Variants in MANBA observed in about 807,000 individuals in gnomAD.
MANBA encodes the protein beta-mannosidase.
Under a neutral mutation model 111.1 loss-of-function variants are expected in MANBA, and 83 were observed. That is an observed-to-expected ratio of 0.75 (90% CI 0.63 to 0.90). The LOEUF (loss-of-function observed/expected upper bound fraction) is 0.90, where lower values mean the gene tolerates loss of function less well. Ranked by LOEUF, MANBA falls within the 40% of genes least tolerant of loss-of-function variation. The pLI is 0.00. For synonymous variants in MANBA, 370 were observed against 378.7 expected (o/e 0.98, Z 0.27); for missense variants, 1,036 against 1,069.0 (o/e 0.97, Z 0.43).
At chr4:102,756,859 C>T (rs908474919) in intron 1 of MANBA, among the ~76,000 whole-genome samples, 4 of 149,242 alleles carry the variant, frequency 2.7e-5, no homozygotes, top group Non-Finnish European at 5.9e-5. Flanking sequence ...GTGAGAAATT[C>T]CACAGAAAAG....
Position 102,635,939 on chromosome 4 carries a change from C to T in MANBA, c.2083G>A (p.Gly695Ser). The T allele has an allele frequency of 2.5e-6, 4 of 1,612,180 alleles. No homozygotes were observed. The highest frequency in any genetic ancestry group is 1.3e-5 in the African/African-American group (1 of 75,006). ...TAGAACGTGTTTTCATTCTCAAAGC[C>T]TACTGGCAACAGTGGAGCAAAGAAA... ...QNFFAPLLPV[G>S]FENENTFYIY... Residue 695 changes from glycine (G) to serine (S), a missense_variant, in exon 15 of 17, where the codon GGC becomes AGC. Gly to Ser is a moderately conservative substitution (Grantham distance 56). Coordinates refer to ENST00000647097, the MANE Select transcript of MANBA (RefSeq NM_005908.4).
Position 102,632,038 on chromosome 4 carries a change from AAAT to A in MANBA, c.*16_*18del. 1.3e-6 allele frequency: 2 copies of A among 1,558,024 alleles called. No individual in the cohort carries two copies. The highest frequency in any genetic ancestry group is 8.8e-7 in the Non-Finnish European group (1 of 1,130,686). On this transcript the variant is annotated 3_prime_UTR_variant, in exon 17 of 17. Coordinates refer to ENST00000647097, the MANE Select transcript of MANBA (RefSeq NM_005908.4). ...ATGCTTTATTCCCATTGTCCACTGA[AAAT>A]ACAACCTAGATTCCTTCAGTAAATA...
chr4:102,674,124 GT>G (rs201817048), intron 7 of MANBA, 54 bp from the exon 8 acceptor site: 13 of 1,409,490 alleles, frequency 9.2e-6, no homozygotes, highest in Middle Eastern at 4.3e-4. Context: ...AAGCAAAATA[GT>G]TTTTTTAAAA....
chr4:102,751,363 T>C, intron 1 of MANBA: 1 of 368,630 alleles, frequency 2.7e-6, no homozygotes, highest in Middle Eastern at 9.5e-4. Flanking sequence ...TCCCATTCTC[T>C]CTCTACTAAC....
intron 12 of MANBA, among the ~76,000 whole-genome samples, chr4:102,653,881 G>C (rs1241715022): frequency 6.6e-6 from 1 of 152,146 alleles, no homozygotes; most frequent in Non-Finnish European, 1.5e-5. Flanking sequence ...TGGAGACAGA[G>C]AGTAAGTCTG....
Position 102,671,268 on chromosome 4 carries a change from A to G in MANBA, c.1230+13T>C, listed in dbSNP as rs778943452. ...GTAACTTATCAATATATAAAATGCT[A>G]TCAACTTCTCACCATTATTCCTAGT... is the stretch of plus-strand genomic sequence containing the variant. On this transcript the variant is annotated intron_variant, in intron 9 of 16. Transcript: ENST00000647097. 5 of 1,452,052 alleles carry G rather than the reference A, an allele frequency of 3.4e-6. No homozygotes were observed. Among genetic ancestry groups the G allele is most frequent in the Non-Finnish European group, 4.8e-6 (5 of 1,032,620 alleles). The allele number at this position is 1,452,052 out of a possible 1,614,324, so 89.9% of individuals were successfully genotyped here. A position where few individuals can be genotyped will look rare whatever the true frequency, so the allele number is the denominator to read the frequency against.
chr4:102,756,151 G>A, intron 1 of MANBA, among the ~76,000 whole-genome samples: 1 of 152,170 alleles, frequency 6.6e-6, no homozygotes, highest in Admixed American at 6.5e-5. Context: ...TATAAATCAT[G>A]CTACTATAAA....
intron 1 of MANBA, chr4:102,729,061 C>T: frequency 2.5e-6 from 2 of 801,718 alleles, no homozygotes; most frequent in South Asian, 2.7e-5. Flanking sequence ...GGTACTCAAG[C>T]AGTTGCCATG....
intron 5 of MANBA, among the ~76,000 whole-genome samples, chr4:102,706,851 G>C (rs1489156007): frequency 6.6e-6 from 1 of 152,070 alleles, no homozygotes; most frequent in African/African-American, 2.4e-5. Context: ...CTTGAGGACA[G>C]ATTTTTGGAA....
chr4:102,632,334 T>C (rs1729423849), intron 16 of MANBA, 53 bp from the exon 17 acceptor site: 11 of 1,298,200 alleles, frequency 8.5e-6, no homozygotes, highest in African/African-American at 1.5e-5. Flanking sequence ...AAGAGTTATA[T>C]AGTCTGTATA....
At chr4:102,708,486 T>C (rs947085400) in intron 5 of MANBA, among the ~76,000 whole-genome samples, 1 of 152,076 alleles carries the variant, frequency 6.6e-6, no homozygotes, top group African/African-American at 2.4e-5. Context: ...TTAAAACCTA[T>C]GGAATACAGC....
chr4:102,684,108 T>TA (rs78609643), intron 7 of MANBA, among the ~76,000 whole-genome samples: 7,580 of 142,882 alleles, frequency 0.053, 604 homozygotes, highest in African/African-American at 0.17. Flanking sequence ...TATACTCAGT[T>TA]AAAAAAAAAA....
At chr4:102,730,849 T>G in intron 1 of MANBA, 1 of 373,948 alleles carries the variant, frequency 2.7e-6, no homozygotes, top group Non-Finnish European at 5.2e-6. Context: ...TTGCGCCTAG[T>G]TACCATAAAC....
chr4:102,670,698 G>A (rs1262223294), intron 9 of MANBA, among the ~76,000 whole-genome samples: 2 of 151,910 alleles, frequency 1.3e-5, no homozygotes, highest in Non-Finnish European at 2.9e-5. Flanking sequence ...ACAAAAATTA[G>A]CTGGATGCTA....
intron 8 of MANBA, among the ~76,000 whole-genome samples, chr4:102,672,584 G>A (rs976644050): frequency 6.6e-6 from 1 of 152,134 alleles, no homozygotes; most frequent in Non-Finnish European, 1.5e-5. Flanking sequence ...ACAAACCAAC[G>A]TACTTACCAT....
chr4:102,671,516 C>T (rs2110223820), intron 8 of MANBA, 118 bp from the exon 9 acceptor site: 1 of 694,776 alleles, frequency 1.4e-6, no homozygotes, highest in South Asian at 1.6e-5. Context: ...GGTTTGGTTA[C>T]AATGTAAATT....
At chr4:102,752,264 A>G (rs1451265809) in intron 1 of MANBA, 12 of 1,219,682 alleles carry the variant, frequency 9.8e-6, no homozygotes, top group Non-Finnish European at 1.5e-5. Context: ...AAGCTTTGAC[A>G]GGAAATAAAG....
intron 1 of MANBA, chr4:102,753,839 T>C (rs549180073): frequency 1.3e-4 from 44 of 336,606 alleles, no homozygotes; most frequent in South Asian, 9.4e-4. Flanking sequence ...TCCCAGCACT[T>C]TGACAGGCCG....
At chr4:102,640,185 C>A (rs1729819223) in intron 13 of MANBA, among the ~76,000 whole-genome samples, 1 of 152,072 alleles carries the variant, frequency 6.6e-6, no homozygotes, top group South Asian at 2.1e-4. Context: ...TATTCCAGAG[C>A]AAATGCTATA....
Sources: allele counts gnomAD v4.1 joint callset (sites outside exome capture counted in the v4.1 genomes callset), GRCh38; gene constraint gnomAD v4.1.1; transcripts MANE v1.5; gene names NCBI Gene and HGNC (gene_info 2026-07-23, HGNC 2026-07-21).